Variants in COL21A1 observed in about 807,000 individuals in gnomAD.
COL21A1 encodes the protein collagen alpha-1(XXI) chain.
Under a neutral mutation model 137.9 loss-of-function variants are expected in COL21A1, and 149 were observed. That is an observed-to-expected ratio of 1.08 (90% CI 0.95 to 1.24). The LOEUF is 1.24. COL21A1 is among the 50% of genes most tolerant of loss of function. The pLI is 0.00. For missense variants in COL21A1, 1,167 were observed against 1,158.4 expected, an observed-to-expected ratio of 1.01 and a Z score of -0.11; for synonymous variants, 456 against 391.5, an observed-to-expected ratio of 1.16 and a Z score of -1.95.
intron 1 of COL21A1, among the ~76,000 whole-genome samples, chr6:56,372,495 C>T (rs992327389): frequency 2.8e-4 from 42 of 151,968 alleles, no homozygotes; most frequent in African/African-American, 9.7e-4. Context: ...GTAAAAATGC[C>T]CCAATAAAGA....
rs1436895559 is a variant in COL21A1 at position 56,109,305 on chromosome 6, A to G, written c.1759-7780T>C. ...AGGGAAACCAGAAACATATAAAAGT[A>G]AAAAAAAGAAAAGTAGAGAGTGAAA... On this transcript the variant is annotated intron_variant, in intron 16 of 29. Transcript: ENST00000244728. Among the ~76,000 whole-genome samples the G allele has an allele frequency of 2.6e-5, 4 of 151,568 alleles. No individual in the cohort carries two copies. The South Asian group carries it at 6.2e-4, about 24-fold the overall frequency.
chr6:56,294,434 G>A (rs1347553303), intron 1 of COL21A1, among the ~76,000 whole-genome samples: 1 of 151,944 alleles, frequency 6.6e-6, no homozygotes, highest in African/African-American at 2.4e-5. Context: ...ATAATGTTAG[G>A]CTTTAGGTTT....
At chr6:56,340,527 A>G (rs1022729394) in intron 1 of COL21A1, among the ~76,000 whole-genome samples, 16 of 152,110 alleles carry the variant, frequency 1.1e-4, no homozygotes, top group Admixed American at 5.2e-4. Context: ...TGATGGGGAG[A>G]GGAGGACCAG....
At chr6:56,269,654 CAAAAAAAA>C (rs70986792) in intron 1 of COL21A1, among the ~76,000 whole-genome samples, 644 of 64,060 alleles carry the variant, frequency 0.01, 2 homozygotes, top group Non-Finnish European at 0.012. Flanking sequence ...GACTCCGTCT[CAAAAAAAA>C]AAAAAAAAAA....
intron 2 of COL21A1, 141 bp downstream of exon 2, chr6:56,182,390 A>G: frequency 1.6e-6 from 1 of 614,844 alleles, no homozygotes; most frequent in South Asian, 2.1e-5. Flanking sequence ...AATGAGTAAC[A>G]TAGCAATTCA....
chr6:56,109,906 G>C (rs1209897089), intron 16 of COL21A1, among the ~76,000 whole-genome samples: 1 of 152,002 alleles, frequency 6.6e-6, no homozygotes, highest in Non-Finnish European at 1.5e-5. Flanking sequence ...CTCAGGCCCA[G>C]AGGGTTTCAC....
intron 1 of COL21A1, among the ~76,000 whole-genome samples, chr6:56,390,854 C>A (rs948773852): frequency 6.6e-6 from 1 of 152,110 alleles, no homozygotes; most frequent in Non-Finnish European, 1.5e-5. Flanking sequence ...GAGAGATATA[C>A]CCCAATTCAA....
At chr6:56,363,993 TG>T in intron 1 of COL21A1, among the ~76,000 whole-genome samples, 1 of 152,336 alleles carries the variant, frequency 6.6e-6, no homozygotes. Context: ...GCAAATTTGA[TG>T]GCTGACATAA....
chr6:56,365,472 C>A (rs1014341646), intron 1 of COL21A1, among the ~76,000 whole-genome samples: 8 of 152,094 alleles, frequency 5.3e-5, no homozygotes, highest in African/African-American at 1.9e-4. Flanking sequence ...CTACCCTTAC[C>A]ATTTAACTTC....
intron 6 of COL21A1, among the ~76,000 whole-genome samples, chr6:56,167,420 G>T (rs1019336163): frequency 2.6e-5 from 4 of 152,156 alleles, no homozygotes; most frequent in Admixed American, 2.6e-4. Flanking sequence ...TGATTAGTAG[G>T]CCCAGCACCT....
chr6:56,326,761 A>C (rs566847361), intron 1 of COL21A1, among the ~76,000 whole-genome samples: 1 of 152,180 alleles, frequency 6.6e-6, no homozygotes, highest in South Asian at 2.1e-4. Context: ...AAAATAACTT[A>C]ATTCAATAAA....
intron 17 of COL21A1, among the ~76,000 whole-genome samples, chr6:56,098,645 A>ATG (rs1381915472): frequency 2.6e-4 from 12 of 46,174 alleles, no homozygotes; most frequent in African/African-American, 1.2e-3. Context: ...ATAAATATAT[A>ATG]TAAATATATA....
chr6:56,208,137 CCTCTCTCACCTCT>C (rs1218617576), intron 1 of COL21A1, among the ~76,000 whole-genome samples: 1 of 152,004 alleles, frequency 6.6e-6, no homozygotes, highest in Non-Finnish European at 1.5e-5. Context: ...ACAAGGATGC[CCTCTCTCACCTCT>C]CCTAATCAAC....
intron 1 of COL21A1, among the ~76,000 whole-genome samples, chr6:56,269,385 G>A (rs1295699305): frequency 6.6e-6 from 1 of 152,188 alleles, no homozygotes; most frequent in Non-Finnish European, 1.5e-5. Context: ...GCCGGGCGCG[G>A]TGGCTCACGC....
chr6:56,169,898 C>G (rs986908363), intron 5 of COL21A1, among the ~76,000 whole-genome samples: 2 of 151,776 alleles, frequency 1.3e-5, no homozygotes, highest in African/African-American at 2.4e-5. Context: ...TTAATGAAGA[C>G]AGCAAATAAC....
At chr6:56,157,618 C>T (rs954845686) in intron 9 of COL21A1, among the ~76,000 whole-genome samples, 1 of 152,082 alleles carries the variant, frequency 6.6e-6, no homozygotes, top group Non-Finnish European at 1.5e-5. Flanking sequence ...TTAATTATAT[C>T]GTATAGGTTC....
rs1276418403 is a variant in COL21A1, at chr6:56,124,108, G to A, written c.1712C>T (p.Pro571Leu). The change falls in exon 16 of 30, where the codon CCA becomes CTA. Residue 571 changes from proline to leucine, a missense_variant. Coordinates refer to ENST00000244728, the MANE Select transcript of COL21A1 (RefSeq NM_030820.4). ...FPGLPGPAGE[P>L]GRHGKDGLMG... ...TAATCCATCCTTTCCATGTCTTCCT[G>A]GTTCTCCCTAAAAAATAAATACATA... 2.6e-6 allele frequency: 4 copies of A among 1,537,344 alleles called. No individual in the cohort carries two copies. Among genetic ancestry groups the A allele is most frequent in the East Asian group, 4.9e-5 (2 of 40,646 alleles).
At chr6:56,392,687 C>A (rs990218163) in intron 1 of COL21A1, among the ~76,000 whole-genome samples, 1 of 152,066 alleles carries the variant, frequency 6.6e-6, no homozygotes, top group Non-Finnish European at 1.5e-5. Flanking sequence ...AACTCAGCAG[C>A]ACTTCTAAAA....
At chr6:56,379,891 T>C (rs2094005911) in intron 1 of COL21A1, among the ~76,000 whole-genome samples, 1 of 152,238 alleles carries the variant, frequency 6.6e-6, no homozygotes, top group Non-Finnish European at 1.5e-5. Flanking sequence ...TTTCTTATTA[T>C]GAGGGAGGTT....
Sources: gnomAD v4.1 joint callset for allele counts (sites outside exome capture counted in the v4.1 genomes callset) on GRCh38, gnomAD v4.1.1 for gene constraint, MANE v1.5 for transcripts, NCBI Gene and HGNC (gene_info 2026-07-23, HGNC 2026-07-21) for gene names.